ANO3: variants seen among roughly 807,000 people sequenced by gnomAD.
The protein encoded by ANO3 is anoctamin 3.
ANO3 carries 99 observed loss-of-function variants against 144.8 expected under a neutral mutation model. The observed-to-expected ratio is 0.68, with a 90% confidence interval of 0.58 to 0.81. The LOEUF is 0.81. Ranked by LOEUF, ANO3 falls within the 30% of genes least tolerant of loss-of-function variation. ANO3 has a pLI of 0.00. For synonymous variants in ANO3, 414 were observed against 392.6 expected (o/e 1.05, Z -0.64); for missense variants, 905 against 1,202.2 (o/e 0.75, Z 3.66).
intron 1 of ANO3, among the ~76,000 whole-genome samples, chr11:26,221,531 G>A (rs771759958): frequency 3.3e-4 from 50 of 152,168 alleles, no homozygotes; most frequent in Non-Finnish European, 6.2e-4. Flanking sequence ...GAATCTCACA[G>A]GTTCCTTATC....
intron 1 of ANO3, among the ~76,000 whole-genome samples, chr11:26,259,263 T>C (rs1853127823): frequency 6.6e-6 from 1 of 152,214 alleles, no homozygotes; most frequent in Non-Finnish European, 1.5e-5. Flanking sequence ...CTCCCTCTCG[T>C]TGAATAGATT....
chr11:26,494,780 A>G (rs1356199278), intron 4 of ANO3, among the ~76,000 whole-genome samples: 3 of 152,170 alleles, frequency 2.0e-5, no homozygotes, highest in African/African-American at 4.8e-5. Flanking sequence ...CATGGAACCC[A>G]AGGACCTCTA....
intron 4 of ANO3, among the ~76,000 whole-genome samples, chr11:26,502,420 A>G (rs1565065153): frequency 6.6e-6 from 1 of 152,174 alleles, no homozygotes; most frequent in Non-Finnish European, 1.5e-5. Flanking sequence ...AAGGCAGTAA[A>G]TTAGATTCCA....
At chr11:26,541,706 A>G (rs952635269) in intron 10 of ANO3, among the ~76,000 whole-genome samples, 3 of 152,184 alleles carry the variant, frequency 2.0e-5, no homozygotes, top group Admixed American at 2.0e-4. Context: ...ACTTTAAGCT[A>G]AATGGGTTCC....
chr11:26,224,274 A>G (rs527894112), intron 1 of ANO3, among the ~76,000 whole-genome samples: 11 of 152,286 alleles, frequency 7.2e-5, no homozygotes, highest in South Asian at 2.1e-4. Context: ...GCCCCGTACA[A>G]TAGGTCACAG....
At chr11:26,577,995 A>G (rs1383740328) in intron 14 of ANO3, among the ~76,000 whole-genome samples, 1 of 152,214 alleles carries the variant, frequency 6.6e-6, no homozygotes, top group Non-Finnish European at 1.5e-5. Flanking sequence ...ATTGAATATC[A>G]TGGAAGGCCT....
At chr11:26,219,115 T>G (rs953320987) in intron 1 of ANO3, among the ~76,000 whole-genome samples, 23 of 152,280 alleles carry the variant, frequency 1.5e-4, no homozygotes, top group African/African-American at 5.3e-4. Flanking sequence ...TGCTAGTAGC[T>G]TCCCCGACAT....
At chr11:26,503,025 C>G (rs1286441662) in intron 4 of ANO3, among the ~76,000 whole-genome samples, 1 of 152,088 alleles carries the variant, frequency 6.6e-6, no homozygotes, top group Non-Finnish European at 1.5e-5. Context: ...CCATAACTTG[C>G]ATATTCTTGA....
intron 4 of ANO3, among the ~76,000 whole-genome samples, chr11:26,497,214 ACACT>A (rs1351997437): frequency 6.6e-6 from 1 of 152,072 alleles, no homozygotes; most frequent in East Asian, 1.9e-4. Flanking sequence ...ATATATACAG[ACACT>A]CACAGAAGTA....
upstream of ANO3, among the ~76,000 whole-genome samples, chr11:26,331,064 A>C (rs1458089039): frequency 6.6e-6 from 1 of 152,208 alleles, no homozygotes; most frequent in Non-Finnish European, 1.5e-5. Context: ...GTGTTCAGCT[A>C]GCTTCTGGTC....
At chr11:26,572,139 G>T (rs1378637997) in intron 14 of ANO3, 1 of 985,236 alleles carries the variant, frequency 1.0e-6, no homozygotes, top group Non-Finnish European at 1.2e-6. Context: ...GATGGGTTAA[G>T]TGTGACAATG....
chr11:26,391,023 CT>C (rs1227132235), intron 1 of ANO3, among the ~76,000 whole-genome samples: 3 of 152,038 alleles, frequency 2.0e-5, no homozygotes, highest in Non-Finnish European at 2.9e-5. Flanking sequence ...AAGAAATGTC[CT>C]TTTTCTCTTC....
intron 1 of ANO3, among the ~76,000 whole-genome samples, chr11:26,396,719 A>G (rs1321532131): frequency 6.6e-6 from 1 of 152,010 alleles, no homozygotes; most frequent in African/African-American, 2.4e-5. Context: ...ACATGTTGTC[A>G]CTTATAAGTG....
Position 26,647,870 on chromosome 11 carries a change from T to A in ANO3, c.2576+14T>A. Reference sequence around the variant, plus strand: ...ACCAAGTGAAAAGTAAGGTTTAAATTTAAACATTTTCCTGATATGTTTTAC... The same window carrying A: ...ACCAAGTGAAAAGTAAGGTTTAAATATAAACATTTTCCTGATATGTTTTAC... On this transcript the variant is annotated intron_variant, in intron 24 of 26. Transcript: ENST00000256737. 6.3e-7 allele frequency: 1 copy of A among 1,599,922 alleles called. No homozygotes were observed. The highest frequency in any genetic ancestry group is 8.5e-7 in the Non-Finnish European group (1 of 1,171,588).
intron 13 of ANO3, chr11:26,559,220 T>C (rs1850185185): frequency 6.5e-6 from 1 of 152,738 alleles, no homozygotes; most frequent in Non-Finnish European, 1.5e-5. Context: ...TTACATCTTA[T>C]AGCCATTATT....
chr11:26,328,926 C>T (rs569143351), upstream of ANO3, among the ~76,000 whole-genome samples: 55 of 152,070 alleles, frequency 3.6e-4, no homozygotes, highest in South Asian at 6.2e-3. Flanking sequence ...CAGACATTTT[C>T]GCATGTTTAT....
chr11:26,535,100 T>C (rs1444677645), intron 9 of ANO3, among the ~76,000 whole-genome samples: 1 of 152,208 alleles, frequency 6.6e-6, no homozygotes, highest in Admixed American at 6.5e-5. Flanking sequence ...TCGTTATTTA[T>C]CAACTCCAAA....
At chr11:26,584,227 C>T (rs546368478) in intron 14 of ANO3, among the ~76,000 whole-genome samples, 4 of 152,038 alleles carry the variant, frequency 2.6e-5, no homozygotes, top group Non-Finnish European at 4.4e-5. Flanking sequence ...GGCATGATCT[C>T]GGCTCACTGC....
rs186734256 is a variant in ANO3, at chr11:26,536,597, G to C, written c.977-809G>C. Among the ~76,000 whole-genome samples, 215 of 151,860 alleles carry C rather than the reference G, an allele frequency of 1.4e-3. 2 individuals carry two copies. Among genetic ancestry groups the C allele is most frequent in the African/African-American group, 4.9e-3 (205 of 41,440 alleles). ...ACGTACATATAAATTAGATGTCTTA[G>C]CGTTTATAATTTTCAGGTTTTTAAA... On this transcript the variant is annotated intron_variant, in intron 9 of 26. Transcript: ENST00000256737.
Sources: gnomAD v4.1 joint callset for allele counts (sites outside exome capture counted in the v4.1 genomes callset) on GRCh38, gnomAD v4.1.1 for gene constraint, MANE v1.5 for transcripts, NCBI Gene and HGNC (gene_info 2026-07-23, HGNC 2026-07-21) for gene names.